STX18: variants seen among roughly 807,000 people sequenced by gnomAD.
STX18 encodes syntaxin-18.
STX18 carries 40 observed loss-of-function variants against 50.1 expected under a neutral mutation model. That is an observed-to-expected ratio of 0.80 (90% CI 0.62 to 1.04). STX18 has a LOEUF of 1.04. Ranked by LOEUF, STX18 falls within the 50% of genes least tolerant of loss-of-function variation. STX18 has a pLI of 0.00. For missense variants in STX18, 410 were observed against 415.8 expected (o/e 0.99, Z 0.12); for synonymous variants, 158 against 151.8 (o/e 1.04, Z -0.30).
At chr4:4,500,070 T>C (rs989958632) in intron 1 of STX18, among the ~76,000 whole-genome samples, 26 of 151,566 alleles carry the variant, frequency 1.7e-4, no homozygotes, top group African/African-American at 5.6e-4. Context: ...TTTTTAGAGT[T>C]TTCTATCACT....
chr4:4,473,230 A>ATGCC (rs1388385716), intron 1 of STX18, among the ~76,000 whole-genome samples: 4 of 151,362 alleles, frequency 2.6e-5, no homozygotes, highest in South Asian at 2.1e-4. Context: ...GTGCACCACC[A>ATGCC]TGCCTGCCTG....
chr4:4,441,939 T>C (rs894948380), intron 5 of STX18, among the ~76,000 whole-genome samples: 1 of 152,218 alleles, frequency 6.6e-6, no homozygotes, highest in African/African-American at 2.4e-5. Flanking sequence ...GAAGCAAGTA[T>C]GGTAAAATGT....
chr4:4,479,787 A>G (rs1172767771), intron 1 of STX18, among the ~76,000 whole-genome samples: 6 of 152,210 alleles, frequency 3.9e-5, no homozygotes, highest in Non-Finnish European at 7.3e-5. Context: ...TGCATTTGAC[A>G]GGGGGAAAAA....
intron 1 of STX18, among the ~76,000 whole-genome samples, chr4:4,477,051 A>C (rs1728214420): frequency 6.6e-6 from 1 of 151,928 alleles, no homozygotes; most frequent in Non-Finnish European, 1.5e-5. Context: ...AATACAATTA[A>C]AAAAAACCAA....
intron 1 of STX18, among the ~76,000 whole-genome samples, chr4:4,478,500 C>T (rs1303498999): frequency 3.3e-5 from 5 of 152,234 alleles, no homozygotes; most frequent in African/African-American, 1.2e-4. Flanking sequence ...TTCATTCTCC[C>T]GTTTGAGTTC....
intron 7 of STX18, 178 bp from the exon 8 acceptor site, chr4:4,425,400 G>A: frequency 1.6e-6 from 1 of 619,384 alleles, no homozygotes. Context: ...CCTGCTTTCA[G>A]GAGAAAGTTT....
rs1724834921 is a variant in STX18, at chr4:4,419,868, G to T, written c.*166C>A. ...CTAAATGGCTGAACACCATCGGCCT[G>T]GGGTATCCCTTTTTGGGGAATACGT... On this transcript the variant is annotated 3_prime_UTR_variant, in exon 11 of 11. Coordinates refer to ENST00000306200, the MANE Select transcript of STX18 (RefSeq NM_016930.4). The T allele has an allele frequency of 3.2e-6, 2 of 627,614 alleles. No homozygotes were observed. The highest frequency in any genetic ancestry group is 2.8e-6 in the Non-Finnish European group (1 of 360,882). 38.9% of individuals were successfully genotyped at this position (627,614 alleles called of 1,614,324 possible).
In STX18 at chr4:4,539,206, C is replaced by T. The variant is rs535579927; in HGVS notation, c.168+2591G>A. Among the ~76,000 whole-genome samples, 6 of 152,156 alleles carry T rather than the reference C, an allele frequency of 3.9e-5. No individual in the cohort carries two copies. The South Asian group carries it at 1.2e-3, about 32-fold the overall frequency. The stretch of plus-strand genomic sequence containing the variant: ...GAAATTGAACCAGATAAAACGCATC[C>T]TAGAAGTAACAGCAAATGCTTCAAG... On this transcript the variant is annotated intron_variant, in intron 1 of 10. Transcript: ENST00000306200.
Position 4,541,814 on chromosome 4 carries a change from T to C in STX18, c.151A>G (p.Ser51Gly), listed in dbSNP as rs36109375. 4,707 of 1,609,976 alleles carry C rather than the reference T, an allele frequency of 2.9e-3. 128 individuals are homozygous for C. The African/African-American group carries it at 0.054, about 19-fold the overall frequency. The change falls in exon 1 of 11, where the codon AGC becomes GGC. Residue 51 changes from serine (S) to glycine (G), a missense_variant. Physicochemically the swap from Ser to Gly is moderately conservative, Grantham distance 56. Transcript: ENST00000306200. ...RSPRPKGDFS[S>G]RAREVISHIG... ...CAGCTCACCACTTCGCGGGCCCGGC[T>C]GGAGAAGTCGCCCTTGGGCCGGGGG...
At chr4:4,524,057 A>G (rs1291342974) in intron 1 of STX18, among the ~76,000 whole-genome samples, 1 of 152,100 alleles carries the variant, frequency 6.6e-6, no homozygotes. Flanking sequence ...TCCCTAGATT[A>G]TGTGTTTCTC....
At chr4:4,440,227 A>C (rs1213135972) in intron 5 of STX18, among the ~76,000 whole-genome samples, 1 of 152,264 alleles carries the variant, frequency 6.6e-6, no homozygotes, top group Admixed American at 6.5e-5. Flanking sequence ...ATGTAAATGC[A>C]TATTAGGGTG....
At chr4:4,435,828 T>C (rs1725745654) in intron 6 of STX18, among the ~76,000 whole-genome samples, 6 of 152,162 alleles carry the variant, frequency 3.9e-5, no homozygotes, top group Admixed American at 2.6e-4. Flanking sequence ...TTGAAGCATG[T>C]CAATACCACA....
intron 1 of STX18, among the ~76,000 whole-genome samples, chr4:4,518,776 T>C (rs1730390301): frequency 6.6e-6 from 1 of 152,196 alleles, no homozygotes; most frequent in Admixed American, 6.5e-5. Flanking sequence ...CACCCAGTTC[T>C]AGCCTAGCTC....
intron 7 of STX18, among the ~76,000 whole-genome samples, chr4:4,429,532 T>C (rs1198932708): frequency 6.6e-6 from 1 of 152,174 alleles, no homozygotes; most frequent in East Asian, 1.9e-4. Flanking sequence ...CAGAAAGCCC[T>C]CTGGCCCTCA....
chr4:4,533,267 T>C (rs1731182590), intron 1 of STX18, among the ~76,000 whole-genome samples: 1 of 152,226 alleles, frequency 6.6e-6, no homozygotes, highest in African/African-American at 2.4e-5. Flanking sequence ...ATGGTTTTCA[T>C]ACCATAAGCC....
intron 1 of STX18, among the ~76,000 whole-genome samples, chr4:4,536,965 A>G (rs1017967413): frequency 6.6e-6 from 1 of 152,220 alleles, no homozygotes; most frequent in Non-Finnish European, 1.5e-5. Flanking sequence ...GTGGAAACTG[A>G]GGCCCAGAGA....
intron 7 of STX18, among the ~76,000 whole-genome samples, chr4:4,432,943 C>T (rs1265931573): frequency 5.3e-5 from 8 of 152,306 alleles, no homozygotes; most frequent in East Asian, 1.9e-4. Flanking sequence ...AATGACACTT[C>T]GGTGGGCCGG....
intron 1 of STX18, among the ~76,000 whole-genome samples, chr4:4,525,847 C>G (rs1730725101): frequency 6.6e-6 from 1 of 152,070 alleles, no homozygotes; most frequent in Non-Finnish European, 1.5e-5. Flanking sequence ...AGAATACAGG[C>G]AGCAAATGCT....
intron 7 of STX18, among the ~76,000 whole-genome samples, chr4:4,434,565 T>C (rs964539489): frequency 1.1e-4 from 17 of 152,196 alleles, no homozygotes; most frequent in East Asian, 3.8e-4. Flanking sequence ...TCTTCTTTAA[T>C]TATGCTACTG....
Sources: gnomAD v4.1 joint callset for allele counts (sites outside exome capture counted in the v4.1 genomes callset) on GRCh38, gnomAD v4.1.1 for gene constraint, MANE v1.5 for transcripts, NCBI Gene and HGNC (gene_info 2026-07-23, HGNC 2026-07-21) for gene names.